Variants in PTPRT observed in about 807,000 individuals in gnomAD.
PTPRT encodes receptor-type tyrosine-protein phosphatase T.
PTPRT carries 56 observed loss-of-function variants against 176.8 expected under a neutral mutation model. That is an observed-to-expected ratio of 0.32 (90% confidence interval 0.26 to 0.40). PTPRT has a LOEUF of 0.40. Among genes scored for constraint, PTPRT ranks in the 10% least tolerant of loss-of-function variants. PTPRT has a pLI of 1.00. For missense variants in PTPRT, 1,540 were observed against 1,908.2 expected, an observed-to-expected ratio of 0.81 and a Z score of 3.60; for synonymous variants, 783 against 739.0, an observed-to-expected ratio of 1.06 and a Z score of -0.96.
At chr20:43,088,333 GGTGTGTGTGTGTGTGT>G (rs67837016) in intron 1 of PTPRT, among the ~76,000 whole-genome samples, 7 of 142,848 alleles carry the variant, frequency 4.9e-5, no homozygotes, top group South Asian at 2.3e-4. Context: ...TTTGCTTTGG[GGTGTGTGTGTGTGTGT>G]GTGTGTGTGT....
At chr20:42,572,592 AG>A (rs2073175926) in intron 7 of PTPRT, among the ~76,000 whole-genome samples, 1 of 152,192 alleles carries the variant, frequency 6.6e-6, no homozygotes, top group Non-Finnish European at 1.5e-5. Flanking sequence ...TTCTCAGGAA[AG>A]CCCCCTTCAC....
chr20:43,042,823 C>T (rs1986672353), intron 1 of PTPRT, among the ~76,000 whole-genome samples: 1 of 151,756 alleles, frequency 6.6e-6, no homozygotes, highest in African/African-American at 2.4e-5. Context: ...TGGTTTATGC[C>T]ACTCTCTCCT....
At chr20:42,153,799 C>T (rs1412101880) in intron 17 of PTPRT, among the ~76,000 whole-genome samples, 2 of 152,166 alleles carry the variant, frequency 1.3e-5, no homozygotes, top group Non-Finnish European at 2.9e-5. Flanking sequence ...CAGCCAGCTA[C>T]AGTGAAGAGG....
At chr20:42,616,528 C>T (rs1265330574) in intron 7 of PTPRT, among the ~76,000 whole-genome samples, 17 of 127,728 alleles carry the variant, frequency 1.3e-4, no homozygotes, top group Non-Finnish European at 2.7e-4. Context: ...TTACCTTGGG[C>T]AGTATGGCCA....
intron 1 of PTPRT, among the ~76,000 whole-genome samples, chr20:42,887,200 A>C (rs1403401171): frequency 6.6e-6 from 1 of 152,186 alleles, no homozygotes; most frequent in Non-Finnish European, 1.5e-5. Flanking sequence ...CCAAAGTGAT[A>C]GTATTAGGAC....
At chr20:42,449,345 G>T (rs893711830) in intron 8 of PTPRT, among the ~76,000 whole-genome samples, 2 of 152,142 alleles carry the variant, frequency 1.3e-5, no homozygotes, top group Admixed American at 1.3e-4. Context: ...CAGTCTTCCT[G>T]CCAGCATCCT....
chr20:42,371,362 C>T (rs2058584606), intron 9 of PTPRT, among the ~76,000 whole-genome samples: 1 of 152,232 alleles, frequency 6.6e-6, no homozygotes, highest in Non-Finnish European at 1.5e-5. Context: ...CCACTATCAT[C>T]TTAACATCTG....
At chr20:42,827,352 A>T (rs2078012272) in intron 2 of PTPRT, among the ~76,000 whole-genome samples, 1 of 152,076 alleles carries the variant, frequency 6.6e-6, no homozygotes, top group Non-Finnish European at 1.5e-5. Flanking sequence ...TTCCAAACAC[A>T]CTCTTAGATC....
At chr20:42,715,005 C>T (rs2076201957) in intron 6 of PTPRT, among the ~76,000 whole-genome samples, 1 of 152,106 alleles carries the variant, frequency 6.6e-6, no homozygotes, top group Non-Finnish European at 1.5e-5. Flanking sequence ...GAATCCTGGC[C>T]CACCTGCAGT....
chr20:42,746,705 T>C (rs2145363448), intron 6 of PTPRT, among the ~76,000 whole-genome samples: 1 of 152,270 alleles, frequency 6.6e-6, no homozygotes, highest in East Asian at 1.9e-4. Flanking sequence ...AGCACCAGCA[T>C]ATTTTCCTAC....
At chr20:43,015,869 A>G (rs1391220362) in intron 1 of PTPRT, among the ~76,000 whole-genome samples, 1 of 151,994 alleles carries the variant, frequency 6.6e-6, no homozygotes, top group Non-Finnish European at 1.5e-5. Flanking sequence ...TAAACATAAG[A>G]TAAGAAAACA....
At position 43,075,717 on chromosome 20, in the gene PTPRT, G is replaced by C. The variant is rs537947474; in HGVS notation, c.88+113929C>G. On this transcript the variant is annotated intron_variant, in intron 1 of 30. Coordinates refer to ENST00000373187, the MANE Select transcript of PTPRT (RefSeq NM_007050.6). ...CTATGTTGTGGGCTAAATCTGCATG[G>C]ACCGATGGAAGAACTAACAGCAAAT... Among the ~76,000 whole-genome samples, 37 of 152,326 alleles carry C rather than the reference G, an allele frequency of 2.4e-4. No individual in the cohort carries two copies. The South Asian group carries it at 7.7e-3, about 32-fold the overall frequency.
chr20:42,262,015 G>A (rs1337534383), intron 13 of PTPRT, among the ~76,000 whole-genome samples: 2 of 152,188 alleles, frequency 1.3e-5, no homozygotes, highest in African/African-American at 2.4e-5. Flanking sequence ...TCAGACAGAG[G>A]AGCCAGTAAA....
At chr20:42,256,361 T>C (rs1037515568) in intron 13 of PTPRT, among the ~76,000 whole-genome samples, 1 of 152,092 alleles carries the variant, frequency 6.6e-6, no homozygotes, top group Admixed American at 6.6e-5. Flanking sequence ...ACTTTACAAA[T>C]TGCATCCCAA....
At chr20:42,316,634 T>C (rs2057724960) in intron 11 of PTPRT, among the ~76,000 whole-genome samples, 2 of 152,212 alleles carry the variant, frequency 1.3e-5, no homozygotes, top group Admixed American at 6.5e-5. Context: ...GCATTTGAAG[T>C]CCTCTGTGCC....
At chr20:42,876,250 A>C (rs2078929148) in intron 2 of PTPRT, among the ~76,000 whole-genome samples, 1 of 152,236 alleles carries the variant, frequency 6.6e-6, no homozygotes, top group Non-Finnish European at 1.5e-5. Context: ...ATGGGAACAT[A>C]AGAACTTACA....
intron 9 of PTPRT, among the ~76,000 whole-genome samples, chr20:42,410,110 T>G (rs2058999209): frequency 6.6e-6 from 1 of 152,274 alleles, no homozygotes; most frequent in African/African-American, 2.4e-5. Context: ...ACTGCATATT[T>G]CATTGTTTCA....
intron 1 of PTPRT, among the ~76,000 whole-genome samples, chr20:43,155,621 G>C (rs554706492): frequency 3.5e-4 from 54 of 152,310 alleles, no homozygotes; most frequent in Admixed American, 2.0e-3. Context: ...ACAGCATGGT[G>C]ACTCTAGTTA....
intron 2 of PTPRT, among the ~76,000 whole-genome samples, chr20:42,867,390 A>ATTTTTTT (rs761289845): frequency 5.9e-5 from 6 of 102,174 alleles, no homozygotes; most frequent in African/African-American, 2.1e-4. Flanking sequence ...AAGAACACAG[A>ATTTTTTT]TTTTTTTTTT....
Sources: gnomAD v4.1 joint callset for allele counts (sites outside exome capture counted in the v4.1 genomes callset) on GRCh38, gnomAD v4.1.1 for gene constraint, MANE v1.5 for transcripts, NCBI Gene and HGNC (gene_info 2026-07-23, HGNC 2026-07-21) for gene names.